Variants in FBXL17 observed in about 807,000 individuals in gnomAD.
FBXL17 encodes the protein F-box/LRR-repeat protein 17.
In FBXL17, 22 loss-of-function variants were observed where a neutral mutation model predicts 66.2. That is an observed-to-expected ratio of 0.33 (90% confidence interval 0.24 to 0.47). The LOEUF is 0.47. Among genes scored for constraint, FBXL17 ranks in the 20% least tolerant of loss-of-function variants. FBXL17 has a pLI of 1.00. For synonymous variants in FBXL17, 474 were observed against 400.5 expected, an observed-to-expected ratio of 1.18 and a Z score of -2.19; for missense variants, 878 against 948.2, an observed-to-expected ratio of 0.93 and a Z score of 0.97.
chr5:108,212,161 T>A (rs960109378), intron 5 of FBXL17, among the ~76,000 whole-genome samples: 1 of 152,196 alleles, frequency 6.6e-6, no homozygotes, highest in African/African-American at 2.4e-5. Context: ...TCATACTGTG[T>A]TTTTCAGCTC....
chr5:108,194,934 T>C (rs968671184), intron 5 of FBXL17, among the ~76,000 whole-genome samples: 9 of 152,202 alleles, frequency 5.9e-5, no homozygotes, highest in Non-Finnish European at 8.8e-5. Context: ...TGCAGCATAA[T>C]TGATTTTTAA....
chr5:107,970,821 G>T (rs139468817), intron 7 of FBXL17, among the ~76,000 whole-genome samples: 79 of 152,272 alleles, frequency 5.2e-4, no homozygotes, highest in African/African-American at 1.9e-3. Flanking sequence ...GCCTTCACCT[G>T]TTTTGCCAAG....
chr5:108,378,788 AAAG>A (rs1475856545), intron 1 of FBXL17, among the ~76,000 whole-genome samples: 2 of 152,240 alleles, frequency 1.3e-5, no homozygotes, highest in Non-Finnish European at 2.9e-5. Context: ...CACTGCACTT[AAAG>A]GAGGAGACAG....
chr5:107,878,790 G>C (rs1432275143), intron 8 of FBXL17: 14 of 985,348 alleles, frequency 1.4e-5, no homozygotes, highest in Non-Finnish European at 1.7e-5. Flanking sequence ...CATCCTCACA[G>C]AGCCTCTCGT....
chr5:107,964,325 T>C (rs1184841152), intron 7 of FBXL17, among the ~76,000 whole-genome samples: 2 of 152,132 alleles, frequency 1.3e-5, no homozygotes, highest in Non-Finnish European at 2.9e-5. Flanking sequence ...ATGCAGTGTA[T>C]AGGCAAAGTA....
At chr5:107,907,284 C>T (rs1179842075) in intron 7 of FBXL17, among the ~76,000 whole-genome samples, 1 of 152,108 alleles carries the variant, frequency 6.6e-6, no homozygotes, top group East Asian at 1.9e-4. Context: ...AATGGGGAAG[C>T]TCTAGTTATG....
intron 1 of FBXL17, among the ~76,000 whole-genome samples, chr5:108,380,287 C>T (rs957211418): frequency 4.2e-4 from 64 of 152,302 alleles, no homozygotes; most frequent in African/African-American, 1.5e-3. Context: ...AACCGTTTGA[C>T]ATTAACTACC....
chr5:108,268,708 T>G (rs896553829), intron 4 of FBXL17, among the ~76,000 whole-genome samples: 1 of 152,108 alleles, frequency 6.6e-6, no homozygotes. Context: ...TATCAGTTAC[T>G]ACATATCCTC....
intron 2 of FBXL17, among the ~76,000 whole-genome samples, chr5:108,365,672 G>A (rs2112574258): frequency 6.6e-6 from 1 of 152,240 alleles, no homozygotes; most frequent in South Asian, 2.1e-4. Context: ...TCAGTGAGAA[G>A]TTCAGGTGGC....
Position 107,938,617 on chromosome 5 carries a change from T to C in FBXL17, c.1823-57438A>G, listed in dbSNP as rs188775190. ...TTCAGCTATTGAAAAACTCCTTTAATTGCTAAGAGAGAAAGTCAGTAGGTG... is the reference window on the plus strand; with the variant it reads ...TTCAGCTATTGAAAAACTCCTTTAACTGCTAAGAGAGAAAGTCAGTAGGTG... On this transcript the variant is annotated intron_variant, in intron 7 of 8. Transcript: ENST00000542267. Among the ~76,000 whole-genome samples the C allele has an allele frequency of 9.3e-4, 142 of 152,296 alleles. 2 individuals are homozygous for C. In the South Asian group the frequency reaches 0.013, roughly 14 times the overall value.
intron 5 of FBXL17, among the ~76,000 whole-genome samples, chr5:108,219,152 A>G (rs1754739259): frequency 6.6e-6 from 1 of 152,216 alleles, no homozygotes; most frequent in African/African-American, 2.4e-5. Flanking sequence ...GTGGGTAATA[A>G]TAGTCTCTTT....
At chr5:107,924,181 G>A (rs1580716213) in intron 7 of FBXL17, among the ~76,000 whole-genome samples, 3 of 150,212 alleles carry the variant, frequency 2.0e-5, no homozygotes, top group Non-Finnish European at 4.4e-5. Context: ...CACTACGCCC[G>A]ACTTTGCAAG....
intron 6 of FBXL17, among the ~76,000 whole-genome samples, chr5:108,048,539 C>T (rs1223709105): frequency 6.6e-6 from 1 of 152,158 alleles, no homozygotes; most frequent in Non-Finnish European, 1.5e-5. Flanking sequence ...TAACCCAGTG[C>T]AAAGGAGCTA....
intron 5 of FBXL17, among the ~76,000 whole-genome samples, chr5:108,210,168 C>A (rs999155455): frequency 2.0e-5 from 3 of 152,068 alleles, no homozygotes; most frequent in Admixed American, 1.3e-4. Context: ...TTCCCTATAT[C>A]ATTTTTTATT....
chr5:108,109,290 C>A (rs1186436238), intron 6 of FBXL17, among the ~76,000 whole-genome samples: 5 of 152,066 alleles, frequency 3.3e-5, no homozygotes, highest in Non-Finnish European at 5.9e-5. Flanking sequence ...TTTTTCTGAC[C>A]TTCCCCTGAA....
At chr5:107,966,704 A>G (rs560817279) in intron 7 of FBXL17, among the ~76,000 whole-genome samples, 1 of 152,252 alleles carries the variant, frequency 6.6e-6, no homozygotes, top group East Asian at 1.9e-4. Flanking sequence ...AAAATTGGCC[A>G]TGTTAACTGT....
chr5:108,261,996 G>A (rs1377225587), intron 4 of FBXL17, among the ~76,000 whole-genome samples: 1 of 151,630 alleles, frequency 6.6e-6, no homozygotes, highest in African/African-American at 2.4e-5. Flanking sequence ...GGAGATGGGG[G>A]GGATGGGACA....
chr5:108,083,813 A>AT lies in FBXL17; in HGVS notation c.1746-62813dup, dbSNP rs1352370505. ...AAACATGACCAAAAAAACATATGGC[A>AT]TAACAGCAACAAAACAGAGCAGACA... On this transcript the variant is annotated intron_variant, in intron 6 of 8. Coordinates refer to ENST00000542267, the MANE Select transcript of FBXL17 (RefSeq NM_001163315.3). Among the ~76,000 whole-genome samples, 3 of 152,158 alleles carry AT rather than the reference A, an allele frequency of 2.0e-5. No individual in the cohort carries two copies. In the East Asian group the frequency reaches 5.8e-4, roughly 29 times the overall value.
At chr5:108,018,145 C>T (rs1366881308) in intron 7 of FBXL17, among the ~76,000 whole-genome samples, 3 of 152,036 alleles carry the variant, frequency 2.0e-5, no homozygotes, top group Non-Finnish European at 2.9e-5. Flanking sequence ...AGCTTGAATA[C>T]GAGTAAAGCA....
Sources: allele counts gnomAD v4.1 joint callset (sites outside exome capture counted in the v4.1 genomes callset), GRCh38; gene constraint gnomAD v4.1.1; transcripts MANE v1.5; gene names NCBI Gene and HGNC (gene_info 2026-07-23, HGNC 2026-07-21).